Variants in PBLD observed in about 807,000 individuals in gnomAD.
The protein encoded by PBLD is phenazine biosynthesis-like domain-containing protein.
In PBLD, 26 loss-of-function variants were observed where a neutral mutation model predicts 31.3. The ratio of observed to expected loss-of-function variants is 0.83; its 90% CI spans 0.61 to 1.15. The LOEUF (loss-of-function observed/expected upper bound fraction) is 1.15, where lower values mean the gene tolerates loss of function less well. Among genes scored for constraint, PBLD ranks in the 50% most tolerant of loss-of-function variants. The pLI is 0.00. For synonymous variants in PBLD, 114 were observed against 129.0 expected (o/e 0.88, Z 0.79); for missense variants, 307 against 351.7 (o/e 0.87, Z 1.02).
At chr10:68,332,328 C>G (rs564567036) in intron 1 of PBLD, 39 of 152,190 alleles carry the variant, frequency 2.6e-4, no homozygotes, top group African/African-American at 9.4e-4. Flanking sequence ...GGTCGCCGCT[C>G]GGAGGCCGCC....
chr10:68,304,657 G>A (rs1463271218), intron 2 of PBLD, among the ~76,000 whole-genome samples: 3 of 152,202 alleles, frequency 2.0e-5, no homozygotes, highest in Non-Finnish European at 4.4e-5. Context: ...AAAGGAGTAA[G>A]TTGGACAATA....
intron 1 of PBLD, among the ~76,000 whole-genome samples, chr10:68,326,579 TA>T (rs1157197011): frequency 6.6e-6 from 1 of 152,240 alleles, no homozygotes; most frequent in Non-Finnish European, 1.5e-5. Flanking sequence ...GTACTTACTT[TA>T]AAAATTCTAT....
Position 68,283,925 on chromosome 10 carries a change from G to A in PBLD, c.*252C>T, listed in dbSNP as rs2044256601. 1 of 308,068 alleles carries A rather than the reference G, an allele frequency of 3.2e-6. No individual in the cohort carries two copies. The highest frequency in any genetic ancestry group is 6.2e-6 in the Non-Finnish European group (1 of 162,542). The allele number at this position is 308,068 out of a possible 1,614,324, so 19.1% of individuals were successfully genotyped here. A position where few individuals can be genotyped will look rare whatever the true frequency, so the allele number is the denominator to read the frequency against. On this transcript the variant is annotated 3_prime_UTR_variant, in exon 10 of 10. Coordinates refer to ENST00000358769, the MANE Select transcript of PBLD (RefSeq NM_022129.4). Reference sequence around the variant, plus strand: ...CCACACCCAGCTAATTTTTGTATTTGTAGTAGAGACGAGGTTTCACCATGT... The same window carrying A: ...CCACACCCAGCTAATTTTTGTATTTATAGTAGAGACGAGGTTTCACCATGT...
At chr10:68,314,445 C>A (rs985716404) in intron 1 of PBLD, among the ~76,000 whole-genome samples, 2 of 152,202 alleles carry the variant, frequency 1.3e-5, no homozygotes, top group Admixed American at 6.5e-5. Flanking sequence ...TCCCCAGCTA[C>A]ATGATAGCTT....
intron 2 of PBLD, among the ~76,000 whole-genome samples, chr10:68,302,325 C>T (rs1031485196): frequency 2.0e-5 from 3 of 152,184 alleles, no homozygotes; most frequent in Admixed American, 6.5e-5. Flanking sequence ...GAGGTTCCAT[C>T]GCCTTATGAC....
chr10:68,311,710 C>T (rs1476217150), intron 1 of PBLD, among the ~76,000 whole-genome samples: 1 of 149,214 alleles, frequency 6.7e-6, no homozygotes, highest in Non-Finnish European at 1.5e-5. Flanking sequence ...CGAGATCATG[C>T]CACTGCACTC....
At chr10:68,326,701 A>G (rs2044926375) in intron 1 of PBLD, among the ~76,000 whole-genome samples, 1 of 152,218 alleles carries the variant, frequency 6.6e-6, no homozygotes, top group Non-Finnish European at 1.5e-5. Context: ...ACATTATTTC[A>G]ATTACTAATC....
At chr10:68,327,935 T>C (rs1240640169) in intron 1 of PBLD, among the ~76,000 whole-genome samples, 1 of 152,230 alleles carries the variant, frequency 6.6e-6, no homozygotes, top group Non-Finnish European at 1.5e-5. Flanking sequence ...TTCTTCCTTT[T>C]GAGTTTTCAT....
intron 2 of PBLD, among the ~76,000 whole-genome samples, chr10:68,297,289 TA>T (rs2134449881): frequency 6.6e-6 from 1 of 152,320 alleles, no homozygotes; most frequent in East Asian, 1.9e-4. Flanking sequence ...TGCTGTCTTC[TA>T]AAAACAATCT....
rs534768460 is a variant in PBLD at position 68,283,849 on chromosome 10, G to T, written c.*328C>A. On this transcript the variant is annotated 3_prime_UTR_variant, in exon 10 of 10. Coordinates refer to ENST00000358769, the MANE Select transcript of PBLD (RefSeq NM_022129.4). ...CAACTTCTGCCTCCTGGGTTCAAGC[G>T]ATTCTCCATGCCTCAGCCTCCCAAG... 13 of 241,742 alleles carry T rather than the reference G, an allele frequency of 5.4e-5. 1 individual carries two copies. In the South Asian group the frequency reaches 7.1e-4, roughly 13 times the overall value. The allele number at this position is 241,742 out of a possible 1,614,324, so 15.0% of individuals were successfully genotyped here.
intron 1 of PBLD, among the ~76,000 whole-genome samples, chr10:68,327,589 G>A (rs962775583): frequency 4.1e-5 from 6 of 147,044 alleles, no homozygotes; most frequent in South Asian, 2.1e-4. Flanking sequence ...CAGGAGAATC[G>A]CTTGAACCCA....
chr10:68,308,845 GGTGTGTGTGTGTGT>G (rs374363010), intron 1 of PBLD, among the ~76,000 whole-genome samples: 1 of 130,360 alleles, frequency 7.7e-6, no homozygotes, highest in Non-Finnish European at 1.6e-5. Context: ...TGACCTGCAT[GGTGTGTGTGTGTGT>G]GTGTGTGTGT....
intron 1 of PBLD, among the ~76,000 whole-genome samples, chr10:68,314,221 C>T (rs1365432107): frequency 6.6e-6 from 1 of 152,122 alleles, no homozygotes; most frequent in Non-Finnish European, 1.5e-5. Flanking sequence ...AGGTGATCCG[C>T]CCACCTCAGC....
chr10:68,289,796 G>A (rs2134429086), intron 6 of PBLD, among the ~76,000 whole-genome samples: 1 of 152,150 alleles, frequency 6.6e-6, no homozygotes, highest in Middle Eastern at 3.4e-3. Context: ...TTAGAGCTGT[G>A]AGGATTAAAT....
At chr10:68,314,036 G>A (rs932453391) in intron 1 of PBLD, among the ~76,000 whole-genome samples, 2 of 152,064 alleles carry the variant, frequency 1.3e-5, no homozygotes, top group Admixed American at 6.6e-5. Flanking sequence ...GAATGCAGTG[G>A]CACAATCTTG....
chr10:68,321,146 G>GTT (rs1295357821), intron 1 of PBLD, among the ~76,000 whole-genome samples: 1 of 151,910 alleles, frequency 6.6e-6, no homozygotes, highest in African/African-American at 2.4e-5. Flanking sequence ...TATTTTTAGG[G>GTT]TTTTTTTCTT....
intron 1 of PBLD, among the ~76,000 whole-genome samples, chr10:68,321,930 T>C (rs1272694704): frequency 3.9e-5 from 6 of 152,218 alleles, no homozygotes; most frequent in African/African-American, 1.4e-4. Context: ...ATAGCTTATC[T>C]AGCTAACTAC....
At chr10:68,299,654 G>A (rs7903062) in intron 2 of PBLD, among the ~76,000 whole-genome samples, 105,423 of 151,582 alleles carry the variant, frequency 0.7, 37,502 homozygotes, top group Middle Eastern at 0.81. Flanking sequence ...TCAGGAGTTC[G>A]AGACCAGCCT....
intron 4 of PBLD, among the ~76,000 whole-genome samples, chr10:68,294,183 G>T (rs2044395534): frequency 6.6e-6 from 1 of 152,004 alleles, no homozygotes; most frequent in Admixed American, 6.6e-5. Flanking sequence ...CATATAGACA[G>T]GCCCCAGGGA....
Sources: allele counts gnomAD v4.1 joint callset (sites outside exome capture counted in the v4.1 genomes callset), GRCh38; gene constraint gnomAD v4.1.1; transcripts MANE v1.5; gene names NCBI Gene and HGNC (gene_info 2026-07-23, HGNC 2026-07-21).